The following APBB2 variants were observed in gnomAD, a reference collection of about 807,000 sequenced individuals.
APBB2 encodes amyloid beta precursor protein binding family B member 2.
In APBB2, 38 loss-of-function variants were observed where a neutral mutation model predicts 82.5. The observed-to-expected ratio is 0.46, with a 90% CI of 0.36 to 0.60. APBB2 has a LOEUF of 0.60. Ranked by LOEUF, APBB2 falls within the 20% of genes least tolerant of loss-of-function variation. The pLI is 0.00. For missense variants in APBB2, 772 were observed against 972.3 expected (o/e 0.79, Z 2.74); for synonymous variants, 341 against 368.2 (o/e 0.93, Z 0.85).
At chr4:41,006,648 T>TA (rs1263923808) in intron 6 of APBB2, among the ~76,000 whole-genome samples, 3 of 152,102 alleles carry the variant, frequency 2.0e-5, no homozygotes, top group African/African-American at 7.2e-5. Context: ...GTATTTTTAG[T>TA]AGAAACGGGG....
rs145847964 is a variant in APBB2 at position 40,810,273 on chromosome 4, T to G, written c.*5819A>C. On this transcript the variant is annotated 3_prime_UTR_variant, in exon 18 of 18. Coordinates refer to ENST00000508593, the MANE Select transcript of APBB2 (RefSeq NM_004307.2). ...TTTAGCTTAGATTTACATTTATCAG[T>G]AAAACGTGTCAGTGGGCTGGGTGCA... The G allele has an allele frequency of 3.0e-4, 46 of 152,180 alleles. No individual in the cohort carries two copies. Among genetic ancestry groups the G allele is most frequent in the African/African-American group, 1.0e-3 (43 of 41,526 alleles). 9.4% of individuals were successfully genotyped at this position (152,180 alleles called of 1,614,324 possible). A position where few individuals can be genotyped will look rare whatever the true frequency, so the allele number is the denominator to read the frequency against.
chr4:40,842,559 G>A lies in APBB2; in HGVS notation c.1530-11982C>T, dbSNP rs143662092. Reference sequence around the variant, plus strand: ...TTTAGGTCAACTGTATCACCCAGAAGTGTGTATTTTGAGCCACATTATGAT... The same window carrying A: ...TTTAGGTCAACTGTATCACCCAGAAATGTGTATTTTGAGCCACATTATGAT... On this transcript the variant is annotated intron_variant, in intron 12 of 17. Coordinates refer to ENST00000508593, the MANE Select transcript of APBB2 (RefSeq NM_004307.2). 8.4e-4 allele frequency: 213 copies of A among 253,978 alleles called. 1 individual carries two copies. Among genetic ancestry groups the A allele is most frequent in the South Asian group, 4.8e-3 (128 of 26,512 alleles). 15.7% of individuals were successfully genotyped at this position (253,978 alleles called of 1,614,324 possible). A position where few individuals can be genotyped will look rare whatever the true frequency, so the allele number is the denominator to read the frequency against.
chr4:40,861,349 C>CA lies in APBB2; in HGVS notation c.1529+29014dup, dbSNP rs900849102. On this transcript the variant is annotated intron_variant, in intron 12 of 17. Coordinates refer to ENST00000508593, the MANE Select transcript of APBB2 (RefSeq NM_004307.2). ...TGGGTAACAGAATGAGACTCTGTCT[C>CA]AAAAAAAAAAAATTTTTTTTTTTAA... Among the ~76,000 whole-genome samples, 310 of 143,870 alleles carry CA rather than the reference C, an allele frequency of 2.2e-3. 2 individuals carry two copies. Among genetic ancestry groups the CA allele is most frequent in the African/African-American group, 6.7e-3 (261 of 38,864 alleles). The allele number at this position is 143,870 out of a possible 152,430, so 94.4% of individuals were successfully genotyped here. A position where few individuals can be genotyped will look rare whatever the true frequency, so the allele number is the denominator to read the frequency against.
At chr4:41,084,148 G>C (rs1738751880) in intron 3 of APBB2, among the ~76,000 whole-genome samples, 4 of 152,262 alleles carry the variant, frequency 2.6e-5, no homozygotes, top group African/African-American at 9.6e-5. Flanking sequence ...AAATAGGCTG[G>C]GCACGGTGGC....
At chr4:40,941,151 T>C (rs972484114) in intron 7 of APBB2, among the ~76,000 whole-genome samples, 1 of 152,164 alleles carries the variant, frequency 6.6e-6, no homozygotes, top group Non-Finnish European at 1.5e-5. Flanking sequence ...CTTTTTTTTT[T>C]TTTGAAGCCA....
intron 10 of APBB2, among the ~76,000 whole-genome samples, chr4:40,898,028 G>T (rs191411489): frequency 6.6e-6 from 1 of 152,132 alleles, no homozygotes; most frequent in Admixed American, 6.5e-5. Context: ...ATGGTTCAGG[G>T]TAGAACCGTG....
intron 1 of APBB2, among the ~76,000 whole-genome samples, chr4:41,184,599 T>C (rs1772357555): frequency 6.6e-6 from 1 of 152,184 alleles, no homozygotes; most frequent in Non-Finnish European, 1.5e-5. Context: ...TTTATTTTTC[T>C]CCATTGTGTG....
chr4:40,903,278 T>C lies in APBB2; in HGVS notation c.1255-9867A>G, dbSNP rs538678153. The stretch of plus-strand genomic sequence containing the variant: ...AAGTTCAAGACCAGCCTGGCCAACA[T>C]GGCAAAACTCCAACTCTACTAAAAA... On this transcript the variant is annotated intron_variant, in intron 10 of 17. Coordinates refer to ENST00000508593, the MANE Select transcript of APBB2 (RefSeq NM_004307.2). Among the ~76,000 whole-genome samples, 67 of 150,530 alleles carry C rather than the reference T, an allele frequency of 4.5e-4. No individual in the cohort carries two copies. The South Asian group carries it at 0.014, about 31-fold the overall frequency.
At chr4:41,057,902 C>G (rs1728391978) in intron 4 of APBB2, among the ~76,000 whole-genome samples, 2 of 152,208 alleles carry the variant, frequency 1.3e-5, no homozygotes, top group Admixed American at 1.3e-4. Flanking sequence ...GCCTCCTGCC[C>G]TGAGGACAAC....
At chr4:41,103,656 G>A (rs1047679812) in intron 2 of APBB2, among the ~76,000 whole-genome samples, 9 of 152,046 alleles carry the variant, frequency 5.9e-5, no homozygotes, top group Non-Finnish European at 7.4e-5. Context: ...GCCAACATTT[G>A]AAAAACTGCT....
intron 6 of APBB2, among the ~76,000 whole-genome samples, chr4:40,956,561 C>T (rs971442170): frequency 6.6e-6 from 1 of 151,742 alleles, no homozygotes; most frequent in African/African-American, 2.4e-5. Flanking sequence ...AGAAAAATTA[C>T]ACTTTGTATT....
intron 10 of APBB2, among the ~76,000 whole-genome samples, chr4:40,930,946 A>G (rs1236208035): frequency 6.6e-6 from 1 of 151,992 alleles, no homozygotes; most frequent in South Asian, 2.1e-4. Flanking sequence ...ACGGGGTTTC[A>G]CTGTGTTAGC....
At chr4:40,831,057 C>T (rs147891758) in intron 12 of APBB2, among the ~76,000 whole-genome samples, 1 of 152,200 alleles carries the variant, frequency 6.6e-6, no homozygotes, top group Non-Finnish European at 1.5e-5. Flanking sequence ...TATAATCGTA[C>T]CACTGCACTC....
At chr4:41,038,679 T>C (rs1020032907) in intron 4 of APBB2, among the ~76,000 whole-genome samples, 4 of 152,198 alleles carry the variant, frequency 2.6e-5, no homozygotes, top group African/African-American at 9.7e-5. Context: ...CCCTAGAAAC[T>C]CAATGCAATG....
At chr4:41,144,750 C>A (rs543092213) in intron 1 of APBB2, among the ~76,000 whole-genome samples, 1 of 152,334 alleles carries the variant, frequency 6.6e-6, no homozygotes, top group East Asian at 1.9e-4. Flanking sequence ...AGACAGAGAA[C>A]CATAGTTGTT....
intron 12 of APBB2, among the ~76,000 whole-genome samples, chr4:40,866,103 C>A (rs538228649): frequency 2.0e-5 from 3 of 152,196 alleles, no homozygotes; most frequent in Non-Finnish European, 4.4e-5. Flanking sequence ...CCCACTCTTA[C>A]GTATTTACCC....
chr4:40,893,144 GA>G, intron 11 of APBB2, 120 bp downstream of exon 11: 7 of 1,248,542 alleles, frequency 5.6e-6, no homozygotes, highest in Non-Finnish European at 5.5e-6. Flanking sequence ...GCATTAATGG[GA>G]AAAGGCACCT....
chr4:41,196,681 T>C, intron 1 of APBB2, among the ~76,000 whole-genome samples: 1 of 151,272 alleles, frequency 6.6e-6, no homozygotes, highest in Non-Finnish European at 1.5e-5. Context: ...TCTCCAAATG[T>C]TGAAATTTCT....
At chr4:40,947,872 G>A (rs1425715432) in intron 6 of APBB2, among the ~76,000 whole-genome samples, 1 of 152,160 alleles carries the variant, frequency 6.6e-6, no homozygotes, top group Non-Finnish European at 1.5e-5. Context: ...ATGGGAGGGA[G>A]GGAGAGAGGG....
Sources: gnomAD v4.1 joint callset for allele counts (sites outside exome capture counted in the v4.1 genomes callset) on GRCh38, gnomAD v4.1.1 for gene constraint, MANE v1.5 for transcripts, NCBI Gene and HGNC (gene_info 2026-07-23, HGNC 2026-07-21) for gene names.